Variants in IRAG1 observed in about 807,000 individuals in gnomAD.
IRAG1 encodes IP3R-associated cGMP kinase substrate.
Under a neutral mutation model 106.2 loss-of-function variants are expected in IRAG1, and 62 were observed. The ratio of observed to expected loss-of-function variants is 0.58; its 90% CI spans 0.48 to 0.72. The LOEUF (loss-of-function observed/expected upper bound fraction) is 0.72, where lower values mean the gene tolerates loss of function less well. IRAG1 is among the 30% of genes least tolerant of loss of function. IRAG1 has a pLI of 0.00. For synonymous variants in IRAG1, 462 were observed against 443.9 expected, an observed-to-expected ratio of 1.04 and a Z score of -0.51; for missense variants, 1,064 against 1,140.7, an observed-to-expected ratio of 0.93 and a Z score of 0.97.
chr11:10,583,825 T>C (rs901100171), intron 18 of IRAG1, among the ~76,000 whole-genome samples: 1 of 152,118 alleles, frequency 6.6e-6, no homozygotes, highest in Non-Finnish European at 1.5e-5. Context: ...GGGCTGGAGA[T>C]CTGGTGAAGG....
chr11:10,597,218 A>G (rs116055980), intron 15 of IRAG1, among the ~76,000 whole-genome samples: 6,627 of 152,194 alleles, frequency 0.044, 160 homozygotes, highest in South Asian at 0.057. Flanking sequence ...TAAACTCTTG[A>G]GTTTTTGATT....
At chr11:10,673,102 G>A (rs1032655247) in intron 1 of IRAG1, among the ~76,000 whole-genome samples, 57 of 152,066 alleles carry the variant, frequency 3.7e-4, no homozygotes, top group African/African-American at 1.4e-3. Context: ...GGCCAACATG[G>A]TAAAATCCCG....
At chr11:10,602,726 G>A (rs1367621312) in intron 14 of IRAG1, among the ~76,000 whole-genome samples, 3 of 152,184 alleles carry the variant, frequency 2.0e-5, no homozygotes, top group Non-Finnish European at 2.9e-5. Flanking sequence ...AGTTGAACAG[G>A]TATTTTTTGA....
At chr11:10,664,637 G>T (rs541157553) in intron 1 of IRAG1, among the ~76,000 whole-genome samples, 1 of 152,210 alleles carries the variant, frequency 6.6e-6, no homozygotes, top group African/African-American at 2.4e-5. Context: ...GAAGTTAGGG[G>T]CCTTCCTGGC....
At chr11:10,582,174 T>C (rs1851461319) in intron 18 of IRAG1, among the ~76,000 whole-genome samples, 188 bp from the exon 19 acceptor site, 1 of 152,194 alleles carries the variant, frequency 6.6e-6, no homozygotes, top group Non-Finnish European at 1.5e-5. Flanking sequence ...CCATGAATTT[T>C]CCCCAGCCCA....
At position 10,665,656 on chromosome 11, in the gene IRAG1, G is replaced by A. The variant is rs1270201301; in HGVS notation, c.68-13474C>T. On this transcript the variant is annotated intron_variant, in intron 1 of 20. Transcript: ENST00000423302. This position sits in a 1 kb window ranked among gnomAD's most constrained non-coding sequence, Gnocchi z 4.2. ...TGAACAGGCTCGCAGCCCTGTGCTT[G>A]GAACCCCAGCACCAGAGTTTAGGGT... Among the ~76,000 whole-genome samples the A allele has an allele frequency of 1.3e-5, 2 of 152,176 alleles. No individual in the cohort carries two copies. Among genetic ancestry groups the A allele is most frequent in the South Asian group, 2.1e-4 (1 of 4,830 alleles).
At chr11:10,664,419 T>A (rs573018013) in intron 1 of IRAG1, among the ~76,000 whole-genome samples, 156 of 152,268 alleles carry the variant, frequency 1.0e-3, no homozygotes, top group Middle Eastern at 6.8e-3. Context: ...ACAGCAGGAT[T>A]GAGATAGGGG....
intron 1 of IRAG1, among the ~76,000 whole-genome samples, chr11:10,677,614 T>C (rs184244113): frequency 6.6e-6 from 1 of 152,328 alleles, no homozygotes; most frequent in East Asian, 1.9e-4. Flanking sequence ...TAAAAAATTA[T>C]GATAAAATAT....
At chr11:10,599,325 G>A (rs1255931149) in intron 15 of IRAG1, among the ~76,000 whole-genome samples, 2 of 152,168 alleles carry the variant, frequency 1.3e-5, no homozygotes, top group Middle Eastern at 3.2e-3. Flanking sequence ...TAGAATGAAC[G>A]AATGAGACTC....
chr11:10,632,604 A>G (rs779512896), intron 3 of IRAG1, among the ~76,000 whole-genome samples: 37 of 152,194 alleles, frequency 2.4e-4, no homozygotes, highest in Non-Finnish European at 2.4e-4. Flanking sequence ...GCCCCAACTC[A>G]GATCAGAAAT....
intron 2 of IRAG1, among the ~76,000 whole-genome samples, chr11:10,645,356 C>T (rs1328817022): frequency 6.6e-6 from 1 of 152,190 alleles, no homozygotes; most frequent in Non-Finnish European, 1.5e-5. Flanking sequence ...CCGGGCCTTG[C>T]TATTTCCCTA....
intron 3 of IRAG1, among the ~76,000 whole-genome samples, chr11:10,633,267 T>C (rs7130951): frequency 2.0e-5 from 3 of 151,854 alleles, no homozygotes. Flanking sequence ...AGTAGAGACG[T>C]GGTTTCACTG....
In IRAG1 at chr11:10,626,224, C is replaced by A; in HGVS notation, c.1110G>T (p.Met370Ile). 1 of 1,597,706 alleles carries A rather than the reference C, an allele frequency of 6.3e-7. No homozygotes were observed. The change falls in exon 9 of 21, where the codon ATG becomes ATT. Residue 370 changes from methionine (M) to isoleucine (I), a missense_variant. Coordinates refer to ENST00000423302, the MANE Select transcript of IRAG1 (RefSeq NM_130385.4). ...SQGRGPAGEP[M>I]GPEAGSKAEL... The stretch of plus-strand genomic sequence containing the variant: ...CAGCTTTGGAGCCAGCCTCGGGCCC[C>A]ATCGGCTCTCCAGCTGGGCCTCTCC...
chr11:10,585,372 A>T (rs113034652), intron 18 of IRAG1, among the ~76,000 whole-genome samples: 1 of 152,118 alleles, frequency 6.6e-6, no homozygotes, highest in Non-Finnish European at 1.5e-5. Flanking sequence ...ACTTATATGT[A>T]TCAGGCTGTG....
rs934090750 is a variant in IRAG1, at chr11:10,659,831, C to T, written c.68-7649G>A. 2.0e-5 allele frequency among the ~76,000 whole-genome samples: 3 copies of T among 151,896 alleles called. No homozygotes were observed. Among genetic ancestry groups the T allele is most frequent in the Admixed American group, 6.6e-5 (1 of 15,250 alleles). The stretch of plus-strand genomic sequence containing the variant: ...CAAAGTATCTGAGCCTCCCATTTAG[C>T]GCCTAGCAGATATAAATCTTGCCCA... On this transcript the variant is annotated intron_variant, in intron 1 of 20. Coordinates refer to ENST00000423302, the MANE Select transcript of IRAG1 (RefSeq NM_130385.4). The surrounding 1 kb of genome is among the most constrained non-coding windows in gnomAD (Gnocchi z 4.1).
chr11:10,660,559 G>T (rs1191428277), intron 1 of IRAG1, among the ~76,000 whole-genome samples: 3 of 152,138 alleles, frequency 2.0e-5, no homozygotes, highest in Non-Finnish European at 2.9e-5. Context: ...GCACACCACT[G>T]AGCTACTCAG....
intron 20 of IRAG1, among the ~76,000 whole-genome samples, chr11:10,577,157 C>A (rs1457484574): frequency 6.6e-6 from 1 of 152,202 alleles, no homozygotes; most frequent in Non-Finnish European, 1.5e-5. Context: ...CAAGAGTTCA[C>A]TTCAAACCAT....
chr11:10,687,472 T>C (rs1489998846), intron 1 of IRAG1: 1 of 253,588 alleles, frequency 3.9e-6, no homozygotes, highest in Admixed American at 5.1e-5. Flanking sequence ...GGCTGGGGGA[T>C]AAATCTGCTC....
At chr11:10,652,246 T>C in intron 1 of IRAG1, 64 bp from the exon 2 acceptor site, 1 of 1,590,512 alleles carries the variant, frequency 6.3e-7, no homozygotes. Flanking sequence ...TGGGTTCCAT[T>C]TCCCGGAGCC....
Sources: gnomAD v4.1 joint callset for allele counts (sites outside exome capture counted in the v4.1 genomes callset) on GRCh38, gnomAD v4.1.1 for gene constraint, Gnocchi (gnomAD v3.1) non-coding constraint, MANE v1.5 for transcripts, NCBI Gene and HGNC (gene_info 2026-07-23, HGNC 2026-07-21) for gene names.